The following CADPS2 variants were observed in gnomAD, a reference collection of about 807,000 sequenced individuals.
CADPS2 encodes the protein calcium dependent secretion activator 2.
In CADPS2, 93 loss-of-function variants were observed where a neutral mutation model predicts 172.5. That is an observed-to-expected ratio of 0.54 (90% CI 0.46 to 0.64). The LOEUF is 0.64. Ranked by LOEUF, CADPS2 falls within the 30% of genes least tolerant of loss-of-function variation. The pLI, the probability that CADPS2 is intolerant of heterozygous loss-of-function variation, is 0.00. For missense variants in CADPS2, 1,420 were observed against 1,565.9 expected (o/e 0.91, Z 1.57); for synonymous variants, 546 against 555.2 (o/e 0.98, Z 0.23).
At chr7:122,367,391 T>G (rs936949562) in intron 25 of CADPS2, among the ~76,000 whole-genome samples, 1 of 151,644 alleles carries the variant, frequency 6.6e-6, no homozygotes, top group Admixed American at 6.6e-5. Flanking sequence ...TTTTTGGCAA[T>G]AATTGAGAAT....
chr7:122,837,038 C>T (rs1019309547), intron 1 of CADPS2, among the ~76,000 whole-genome samples: 2 of 152,168 alleles, frequency 1.3e-5, no homozygotes, highest in African/African-American at 4.8e-5. Flanking sequence ...GTAAAGCACT[C>T]CTCAGCAAAT....
At chr7:122,495,126 A>T (rs922026939) in intron 9 of CADPS2, among the ~76,000 whole-genome samples, 8 of 152,168 alleles carry the variant, frequency 5.3e-5, no homozygotes, top group Non-Finnish European at 1.0e-4. Flanking sequence ...CATTATCTTA[A>T]AATATTATGA....
chr7:122,732,251 T>C (rs931226622), intron 2 of CADPS2, among the ~76,000 whole-genome samples: 10 of 151,664 alleles, frequency 6.6e-5, no homozygotes, highest in Middle Eastern at 3.4e-3. Context: ...AAAAGAAATA[T>C]ATCTCGGGTT....
At chr7:122,857,374 A>G (rs545095215) in intron 1 of CADPS2, among the ~76,000 whole-genome samples, 1 of 152,334 alleles carries the variant, frequency 6.6e-6, no homozygotes, top group African/African-American at 2.4e-5. Context: ...GTAATAAAGA[A>G]ACAAAAAATA....
chr7:122,835,659 C>G (rs1024266497), intron 1 of CADPS2, among the ~76,000 whole-genome samples: 2 of 152,062 alleles, frequency 1.3e-5, no homozygotes, highest in Non-Finnish European at 2.9e-5. Context: ...GTAGCCGATT[C>G]AATCAACTGG....
chr7:122,462,321 T>C (rs2054554695), intron 14 of CADPS2, among the ~76,000 whole-genome samples: 1 of 151,940 alleles, frequency 6.6e-6, no homozygotes, highest in African/African-American at 2.4e-5. Flanking sequence ...TTCAGCAACA[T>C]GCCTGGTAAA....
At chr7:122,686,497 G>A (rs1242145101) in intron 2 of CADPS2, among the ~76,000 whole-genome samples, 1 of 152,158 alleles carries the variant, frequency 6.6e-6, no homozygotes, top group Non-Finnish European at 1.5e-5. Flanking sequence ...ATCAGCTGGA[G>A]GACTTGGTGA....
intron 1 of CADPS2, among the ~76,000 whole-genome samples, chr7:122,782,778 T>C (rs1277946988): frequency 1.3e-5 from 2 of 152,248 alleles, no homozygotes; most frequent in Non-Finnish European, 2.9e-5. Context: ...AGTCACATTT[T>C]ATTATTTTTT....
intron 24 of CADPS2, among the ~76,000 whole-genome samples, chr7:122,384,137 G>A (rs1563201722): frequency 6.6e-6 from 1 of 152,074 alleles, no homozygotes; most frequent in Non-Finnish European, 1.5e-5. Context: ...GCTGTCACAT[G>A]AGCAGATCAT....
chr7:122,705,612 CATTT>C (rs1376886686), intron 2 of CADPS2, among the ~76,000 whole-genome samples: 20 of 97,052 alleles, frequency 2.1e-4, no homozygotes, highest in African/African-American at 6.8e-4. Flanking sequence ...TATTATATAA[CATTT>C]ATATATATTA....
chr7:122,748,541 T>C (rs2092816759), intron 1 of CADPS2, among the ~76,000 whole-genome samples: 1 of 152,166 alleles, frequency 6.6e-6, no homozygotes, highest in Admixed American at 6.6e-5. Context: ...CAATGGCCTT[T>C]TCCAGCAGGC....
At chr7:122,671,456 T>C (rs2081847171) in intron 2 of CADPS2, among the ~76,000 whole-genome samples, 1 of 152,152 alleles carries the variant, frequency 6.6e-6, no homozygotes, top group Non-Finnish European at 1.5e-5. Flanking sequence ...GGCTGGACTG[T>C]GGTGGCTCAT....
chr7:122,576,159 G>A (rs1254025538), intron 7 of CADPS2, among the ~76,000 whole-genome samples: 2 of 152,118 alleles, frequency 1.3e-5, no homozygotes, highest in Non-Finnish European at 2.9e-5. Context: ...GTCTGGAAGA[G>A]TACTGGCCAA....
At chr7:122,325,686 G>A (rs2033695407) in intron 28 of CADPS2, 105 bp from the exon 29 acceptor site, 1 of 678,546 alleles carries the variant, frequency 1.5e-6, no homozygotes, top group African/African-American at 1.8e-5. Context: ...AAAACACTCT[G>A]AAATGACCAC....
intron 7 of CADPS2, among the ~76,000 whole-genome samples, chr7:122,558,434 C>T (rs73218225): frequency 0.2 from 30,792 of 151,984 alleles, 3,310 homozygotes; most frequent in East Asian, 0.34. Context: ...TTAACCTTTC[C>T]GTATGCATTT....
intron 25 of CADPS2, among the ~76,000 whole-genome samples, chr7:122,366,610 T>TACACACACACACACAC (rs200926726): frequency 7.9e-6 from 1 of 126,214 alleles, no homozygotes; most frequent in African/African-American, 2.9e-5. Flanking sequence ...ATCTCAAAAA[T>TACACACACACACACAC]ACACACACAC....
At chr7:122,364,466 GC>G (rs1036005871) in intron 25 of CADPS2, among the ~76,000 whole-genome samples, 4 of 149,214 alleles carry the variant, frequency 2.7e-5, no homozygotes, top group Middle Eastern at 3.6e-3. Context: ...GTGGCTCACG[GC>G]TGAAATCCCA....
At chr7:122,624,824 T>C (rs933874936) in intron 4 of CADPS2, among the ~76,000 whole-genome samples, 2 of 152,262 alleles carry the variant, frequency 1.3e-5, no homozygotes, top group East Asian at 3.9e-4. Flanking sequence ...TCCAAGCCCC[T>C]GGATAGAACC....
At chr7:122,777,013 C>T (rs143396896) in intron 1 of CADPS2, among the ~76,000 whole-genome samples, 39 of 152,072 alleles carry the variant, frequency 2.6e-4, no homozygotes, top group African/African-American at 8.4e-4. Flanking sequence ...TAGCCAAGCA[C>T]GGCAGTGTGT....
Sources: gnomAD v4.1 joint callset for allele counts (sites outside exome capture counted in the v4.1 genomes callset) on GRCh38, gnomAD v4.1.1 for gene constraint, MANE v1.5 for transcripts, NCBI Gene and HGNC (gene_info 2026-07-23, HGNC 2026-07-21) for gene names.